The following FKBP7 variants were observed in gnomAD, a reference collection of about 807,000 sequenced individuals.
FKBP7 encodes the protein peptidyl-prolyl cis-trans isomerase FKBP7.
In FKBP7, 24 loss-of-function variants were observed where a neutral mutation model predicts 24.3. The observed-to-expected ratio is 0.99, with a 90% CI of 0.72 to 1.39. FKBP7 has a LOEUF of 1.39. Among genes scored for constraint, FKBP7 ranks in the 40% most tolerant of loss-of-function variants. The probability of loss-of-function intolerance (pLI) is 0.00; values close to 1 mark genes in which losing one functional copy is unlikely to be tolerated. For synonymous variants in FKBP7, 98 were observed against 92.8 expected (o/e 1.06, Z -0.32); for missense variants, 257 against 269.5 (o/e 0.95, Z 0.33).
At chr2:178,476,090 A>C (rs529978584) in intron 2 of FKBP7, among the ~76,000 whole-genome samples, 3 of 152,328 alleles carry the variant, frequency 2.0e-5, no homozygotes, top group African/African-American at 7.2e-5. Context: ...TGTGTTATAA[A>C]TATTTATGTA....
At chr2:178,470,743 G>A (rs1684826161) in intron 2 of FKBP7, among the ~76,000 whole-genome samples, 1 of 151,292 alleles carries the variant, frequency 6.6e-6, no homozygotes, top group Non-Finnish European at 1.5e-5. Flanking sequence ...GAGCCCAGGA[G>A]TTTGAGACCA....
intron 3 of FKBP7, chr2:178,467,893 C>T (rs1230492704): frequency 6.6e-6 from 1 of 152,128 alleles, no homozygotes; most frequent in East Asian, 1.9e-4. Context: ...AGCTGCTATT[C>T]ACTCTAAAAA....
chr2:178,466,132 T>C (rs900035552), intron 3 of FKBP7, among the ~76,000 whole-genome samples: 2 of 152,190 alleles, frequency 1.3e-5, no homozygotes, highest in African/African-American at 4.8e-5. Context: ...TTCAAATTAG[T>C]TTTCCCTAAG....
chr2:178,473,127 C>T, intron 2 of FKBP7: 2 of 1,297,886 alleles, frequency 1.5e-6, no homozygotes, highest in Non-Finnish European at 2.0e-6. Context: ...AGAAGAAAGA[C>T]TTCTTCAAGT....
At chr2:178,469,530 C>G in intron 3 of FKBP7, 122 bp downstream of exon 3, 1 of 998,650 alleles carries the variant, frequency 1.0e-6, no homozygotes, top group Non-Finnish European at 1.5e-6. Flanking sequence ...TAGTGACCAG[C>G]TCTATAAAAG....
chr2:178,468,596 T>C (rs1296940867), intron 3 of FKBP7, among the ~76,000 whole-genome samples: 1 of 151,986 alleles, frequency 6.6e-6, no homozygotes, highest in African/African-American at 2.4e-5. Context: ...CACCCTGGCA[T>C]GGGCAACAGA....
chr2:178,466,607 C>A (rs1684666547), intron 3 of FKBP7, among the ~76,000 whole-genome samples: 2 of 151,876 alleles, frequency 1.3e-5, no homozygotes, highest in Admixed American at 6.6e-5. Context: ...AAATATATAA[C>A]AGATTTTGAA....
Position 178,478,585 on chromosome 2 carries a change from C to A in FKBP7, c.-86G>T, listed in dbSNP as rs372754221. The A allele has an allele frequency of 4.5e-6, 7 of 1,562,444 alleles. No individual in the cohort carries two copies. Among genetic ancestry groups the A allele is most frequent in the Non-Finnish European group, 6.0e-6 (7 of 1,161,058 alleles). ...CGGCCGAGTTCCGACGCGTGGCAGG[C>A]GTTGTCCTGCGTCACAAAGGGCCGG... On this transcript the variant is annotated 5_prime_UTR_variant, in exon 1 of 4. Transcript: ENST00000424785.
Position 178,465,239 on chromosome 2 carries a change from A to G in FKBP7, c.*531T>C, listed in dbSNP as rs1161143483. 2 of 152,240 alleles carry G rather than the reference A, an allele frequency of 1.3e-5. No homozygotes were observed. The highest frequency in any genetic ancestry group is 2.4e-5 in the African/African-American group (1 of 41,454). The allele number at this position is 152,240 out of a possible 1,614,324, so 9.4% of individuals were successfully genotyped here. On this transcript the variant is annotated 3_prime_UTR_variant, in exon 4 of 4. Coordinates refer to ENST00000424785, the MANE Select transcript of FKBP7 (RefSeq NM_181342.3). ...GTGTTGCGTTCTTTGTGGAACAGAGATATACAACTATCTTCCTGCACATAT... is the reference window on the plus strand; with the variant it reads ...GTGTTGCGTTCTTTGTGGAACAGAGGTATACAACTATCTTCCTGCACATAT...
chr2:178,472,901 GT>G (rs202059949), intron 2 of FKBP7: 38,706 of 176,738 alleles, frequency 0.22, 3,229 homozygotes, highest in East Asian at 0.51. Context: ...TCTTTTTCTT[GT>G]TTTTTTTTTT....
rs201963440 is a variant in FKBP7, at chr2:178,469,659, T to A, written c.500A>T (p.Lys167Ile). The change falls in exon 3 of 4, where the codon AAA (lysine) becomes ATA (isoleucine). Residue 167 changes from lysine (K) to isoleucine (I), a missense_variant. Coordinates refer to ENST00000424785, the MANE Select transcript of FKBP7 (RefSeq NM_181342.3). Reference sequence around the variant, plus strand: ...GAAATTGGTTTGAATTACCTCGGCTTTAGAGAGCTGCCTGTCATTGTCCAT... The same window carrying A: ...GAAATTGGTTTGAATTACCTCGGCTATAGAGAGCTGCCTGTCATTGTCCAT... Reference protein sequence around the residue: ...IDMDNDRQLSKAEINLYLQRE... With the variant: ...IDMDNDRQLSIAEINLYLQRE... The A allele has an allele frequency of 4.3e-6, 7 of 1,613,890 alleles. No individual in the cohort carries two copies. In the East Asian group the frequency reaches 1.6e-4, roughly 36 times the overall value.
Position 178,478,291 on chromosome 2 carries a change from T to C in FKBP7, c.209A>G (p.Lys70Arg). ...YDGYLAKDGS[K>R]FYCSRTQNEG... is the part of the protein sequence containing the mutation. Reference sequence around the variant, plus strand: ...CAGCATTTCCTACCTGCAGTAGAATTTCGAGCCGTCTTTAGCCAGGTAGCC... The same window carrying C: ...CAGCATTTCCTACCTGCAGTAGAATCTCGAGCCGTCTTTAGCCAGGTAGCC... The change falls in exon 1 of 4, where the codon AAA becomes AGA. Residue 70 changes from lysine to arginine, a missense_variant. By Grantham distance (26) the Lys-to-Arg change is conservative (BLOSUM62 2). Transcript: ENST00000424785. 1.9e-6 allele frequency: 3 copies of C among 1,614,072 alleles called. No individual in the cohort carries two copies. Among genetic ancestry groups the C allele is most frequent in the Non-Finnish European group, 2.5e-6 (3 of 1,180,000 alleles).
intron 1 of FKBP7, 33 bp downstream of exon 1, chr2:178,478,246 C>T (rs760738931): frequency 1.9e-6 from 3 of 1,611,812 alleles, no homozygotes; most frequent in Admixed American, 3.3e-5. Context: ...TTTTGTGCAA[C>T]TGGACGCACG....
At chr2:178,478,173 G>T in intron 1 of FKBP7, 106 bp downstream of exon 1, 6 of 1,269,696 alleles carry the variant, frequency 4.7e-6, no homozygotes, top group Non-Finnish European at 6.6e-6. Context: ...AACTTTTACC[G>T]TTAAAAAATA....
intron 2 of FKBP7, among the ~76,000 whole-genome samples, chr2:178,472,481 CT>C (rs34834046): frequency 3.9e-4 from 56 of 144,866 alleles, no homozygotes; most frequent in Admixed American, 6.2e-4. Context: ...GCTTATACCA[CT>C]TTTTTTTTTT....
At chr2:178,468,100 G>C (rs759195428) in intron 3 of FKBP7, among the ~76,000 whole-genome samples, 8 of 152,132 alleles carry the variant, frequency 5.3e-5, no homozygotes, top group Admixed American at 2.0e-4. Flanking sequence ...TGGAGAGGGA[G>C]ATGAAAAAGA....
chr2:178,471,484 A>G (rs1684846197), intron 2 of FKBP7, among the ~76,000 whole-genome samples: 7 of 152,184 alleles, frequency 4.6e-5, no homozygotes, highest in Admixed American at 4.6e-4. Flanking sequence ...AAGTGCTGGG[A>G]TTACAGGCGT....
chr2:178,469,058 C>T (rs1208269474), intron 3 of FKBP7, among the ~76,000 whole-genome samples: 3 of 151,688 alleles, frequency 2.0e-5, no homozygotes, highest in Admixed American at 6.6e-5. Context: ...TTTGTAGAGA[C>T]GGGGGTCTCC....
At chr2:178,466,654 G>T (rs77242985) in intron 3 of FKBP7, among the ~76,000 whole-genome samples, 5 of 151,798 alleles carry the variant, frequency 3.3e-5, no homozygotes, top group Non-Finnish European at 7.4e-5. Context: ...ATTTTACATC[G>T]ATCTCATATT....
Sources: allele counts gnomAD v4.1 joint callset (sites outside exome capture counted in the v4.1 genomes callset), GRCh38; gene constraint gnomAD v4.1.1; transcripts MANE v1.5; gene names NCBI Gene and HGNC (gene_info 2026-07-23, HGNC 2026-07-21).